Variants in CLINT1 observed in about 807,000 individuals in gnomAD.
CLINT1 encodes clathrin interactor 1.
In CLINT1, 15 loss-of-function variants were observed where a neutral mutation model predicts 70.4. The observed-to-expected ratio is 0.21, with a 90% CI of 0.14 to 0.33. The LOEUF is 0.33. CLINT1 is among the 10% of genes least tolerant of loss of function. The pLI is 1.00. For missense variants in CLINT1, 615 were observed against 778.1 expected, an observed-to-expected ratio of 0.79 and a Z score of 2.49; for synonymous variants, 227 against 254.7, an observed-to-expected ratio of 0.89 and a Z score of 1.04.
rs183906096 is a variant in CLINT1, at chr5:157,793,963, C to T, written c.1087+935G>A. ...ATTACATCTTTTCTCCCTGCCTCACCTCATGTTTAAGATTCTCATAGCTAA... is the reference window on the plus strand; with the variant it reads ...ATTACATCTTTTCTCCCTGCCTCACTTCATGTTTAAGATTCTCATAGCTAA... On this transcript the variant is annotated intron_variant, in intron 9 of 11. Transcript: ENST00000411809. 2.4e-3 allele frequency among the ~76,000 whole-genome samples: 360 copies of T among 152,182 alleles called. 2 individuals are homozygous for T. The highest frequency in any genetic ancestry group is 8.1e-3 in the African/African-American group (337 of 41,532).
chr5:157,809,858 G>GT, intron 5 of CLINT1, 53 bp from the exon 6 acceptor site: 4 of 1,499,052 alleles, frequency 2.7e-6, no homozygotes, highest in Non-Finnish European at 2.7e-6. Flanking sequence ...AATTCAAAAG[G>GT]TATCTACAAG....
intron 1 of CLINT1, among the ~76,000 whole-genome samples, chr5:157,823,347 AT>A (rs1397993073): frequency 1.3e-5 from 2 of 152,238 alleles, no homozygotes; most frequent in Admixed American, 1.3e-4. Context: ...GCCATTAAAA[AT>A]ATAAGTACTG....
At chr5:157,855,099 A>G (rs1157564881) in intron 1 of CLINT1, among the ~76,000 whole-genome samples, 2 of 135,506 alleles carry the variant, frequency 1.5e-5, no homozygotes, top group African/African-American at 5.5e-5. Context: ...GGCTGAAATC[A>G]CGCCATTGCA....
At chr5:157,853,502 C>T (rs1184994983) in intron 1 of CLINT1, among the ~76,000 whole-genome samples, 1 of 150,602 alleles carries the variant, frequency 6.6e-6, no homozygotes, top group African/African-American at 2.4e-5. Flanking sequence ...GTAGGCCGGG[C>T]ACGGAGGCTC....
chr5:157,813,349 T>C lies in CLINT1; in HGVS notation c.353-122A>G, dbSNP rs181707391. ...AGAAACTTCAATATTTAAAAAACAA[T>C]AGAAAGGGGCAAGTTGTGCTATTTA... On this transcript the variant is annotated intron_variant, in intron 4 of 11. Transcript: ENST00000411809. 5.3e-5 allele frequency: 47 copies of C among 887,180 alleles called. No individual in the cohort carries two copies. In the African/African-American group the frequency reaches 7.3e-4, roughly 14 times the overall value. The allele number at this position is 887,180 out of a possible 1,614,324, so 55.0% of individuals were successfully genotyped here.
chr5:157,812,331 G>A (rs1414661231), intron 5 of CLINT1, among the ~76,000 whole-genome samples: 1 of 152,136 alleles, frequency 6.6e-6, no homozygotes, highest in African/African-American at 2.4e-5. Context: ...TACACAAAAT[G>A]AGCAAGAGAT....
At chr5:157,812,663 G>C (rs10035764) in intron 5 of CLINT1, among the ~76,000 whole-genome samples, 2,386 of 152,208 alleles carry the variant, frequency 0.016, 65 homozygotes, top group African/African-American at 0.054. Flanking sequence ...CAAAAATACA[G>C]CTAAATTGGT....
chr5:157,825,652 A>G (rs1763012537), intron 1 of CLINT1, among the ~76,000 whole-genome samples: 1 of 152,188 alleles, frequency 6.6e-6, no homozygotes, highest in Non-Finnish European at 1.5e-5. Context: ...TAATGTTCAA[A>G]AACACCACTT....
intron 1 of CLINT1, among the ~76,000 whole-genome samples, chr5:157,840,190 C>G (rs1179672029): frequency 3.7e-5 from 1 of 27,330 alleles, no homozygotes; most frequent in Non-Finnish European, 6.5e-5. Context: ...GTGAGACTGC[C>G]TCAAAAAAAA....
intron 1 of CLINT1, among the ~76,000 whole-genome samples, chr5:157,825,718 T>G (rs555871626): frequency 6.6e-6 from 1 of 152,168 alleles, no homozygotes; most frequent in Admixed American, 6.5e-5. Context: ...TAACTATTTT[T>G]AAAATTATAA....
chr5:157,791,098 G>A (rs1761888036), intron 10 of CLINT1, among the ~76,000 whole-genome samples: 1 of 151,712 alleles, frequency 6.6e-6, no homozygotes, highest in South Asian at 2.1e-4. Flanking sequence ...TCACTCTGTC[G>A]CCCAGGCTGG....
At chr5:157,853,777 CAAAAAAAAAAA>C (rs11316474) in intron 1 of CLINT1, among the ~76,000 whole-genome samples, 48 of 48,056 alleles carry the variant, frequency 1.0e-3, no homozygotes, top group African/African-American at 3.3e-3. Context: ...GACACCATCT[CAAAAAAAAAAA>C]AAAAAAAAAA....
intron 1 of CLINT1, among the ~76,000 whole-genome samples, chr5:157,835,475 C>A (rs956444904): frequency 4.6e-5 from 7 of 152,022 alleles, no homozygotes; most frequent in Non-Finnish European, 2.9e-5. Flanking sequence ...CTGCTTAAGG[C>A]GACTTTATAA....
chr5:157,841,071 G>A (rs1753158037), intron 1 of CLINT1, among the ~76,000 whole-genome samples: 1 of 152,012 alleles, frequency 6.6e-6, no homozygotes, highest in Non-Finnish European at 1.5e-5. Flanking sequence ...AGACCAGCCT[G>A]GGCAGCATGG....
intron 6 of CLINT1, among the ~76,000 whole-genome samples, chr5:157,807,165 T>C (rs1456701462): frequency 6.6e-6 from 1 of 152,092 alleles, no homozygotes; most frequent in Non-Finnish European, 1.5e-5. Context: ...TGTACTTAAA[T>C]ATAAACCAAT....
chr5:157,812,005 C>T (rs1375028630), intron 5 of CLINT1, among the ~76,000 whole-genome samples: 1 of 150,854 alleles, frequency 6.6e-6, no homozygotes, highest in Non-Finnish European at 1.5e-5. Flanking sequence ...GTTGCACTGC[C>T]TATGAGTTAG....
intron 1 of CLINT1, among the ~76,000 whole-genome samples, chr5:157,847,377 G>C (rs1753417800): frequency 5.9e-5 from 9 of 152,144 alleles, no homozygotes; most frequent in Admixed American, 5.9e-4. Context: ...CAGGCGTGGT[G>C]GTGGGCGCCT....
chr5:157,810,574 A>G (rs1369232509), intron 5 of CLINT1, among the ~76,000 whole-genome samples: 1 of 152,196 alleles, frequency 6.6e-6, no homozygotes, highest in Non-Finnish European at 1.5e-5. Context: ...GCAGTAAACA[A>G]AAAACCCAAA....
At chr5:157,818,973 A>G (rs1470508542) in intron 1 of CLINT1, among the ~76,000 whole-genome samples, 1 of 152,164 alleles carries the variant, frequency 6.6e-6, no homozygotes, top group Non-Finnish European at 1.5e-5. Context: ...TAAGTCTTAG[A>G]AATAGTGAAA....
Sources: gnomAD v4.1 joint callset for allele counts (sites outside exome capture counted in the v4.1 genomes callset) on GRCh38, gnomAD v4.1.1 for gene constraint, MANE v1.5 for transcripts, NCBI Gene and HGNC (gene_info 2026-07-23, HGNC 2026-07-21) for gene names.